The following GLIS3 variants were observed in gnomAD, a reference collection of about 807,000 sequenced individuals.
The protein encoded by GLIS3 is GLIS family zinc finger 3.
Under a neutral mutation model 78.6 loss-of-function variants are expected in GLIS3, and 53 were observed. That is an observed-to-expected ratio of 0.67 (90% confidence interval 0.54 to 0.85). The LOEUF (loss-of-function observed/expected upper bound fraction) is 0.85, where lower values mean the gene tolerates loss of function less well. GLIS3 is among the 40% of genes least tolerant of loss of function. The pLI is 0.00. For synonymous variants in GLIS3, 684 were observed against 509.9 expected (o/e 1.34, Z -4.60); for missense variants, 1,703 against 1,231.1 (o/e 1.38, Z -5.74).
chr9:4,467,959 T>A, the GLIS3 span, among the ~76,000 whole-genome samples: 1 of 152,156 alleles, frequency 6.6e-6, no homozygotes, highest in African/African-American at 2.4e-5. Flanking sequence ...CTGATGGAGC[T>A]GAAATTCATG....
At chr9:4,183,629 T>C (rs1315001109) in intron 2 of GLIS3, among the ~76,000 whole-genome samples, 1 of 152,218 alleles carries the variant, frequency 6.6e-6, no homozygotes, top group Non-Finnish European at 1.5e-5. Context: ...CTAAGGACAC[T>C]GATTAGATTT....
intron 4 of GLIS3, among the ~76,000 whole-genome samples, chr9:4,039,961 C>G (rs1009361851): frequency 1.3e-5 from 2 of 152,108 alleles, no homozygotes; most frequent in African/African-American, 4.8e-5. Flanking sequence ...AATGTGGAGG[C>G]CAAAACTGTT....
chr9:3,830,322 C>T (rs573623989), intron 9 of GLIS3, among the ~76,000 whole-genome samples: 2 of 152,196 alleles, frequency 1.3e-5, no homozygotes, highest in African/African-American at 4.8e-5. Context: ...CCTCATAATA[C>T]ATTTAAGTCA....
At chr9:4,437,004 A>G in the GLIS3 span, among the ~76,000 whole-genome samples, 2 of 152,078 alleles carry the variant, frequency 1.3e-5, no homozygotes, top group Admixed American at 6.6e-5. Context: ...GCTGCAGTAG[A>G]AGTATAGAGA....
At chr9:3,856,217 G>GA (rs1563780603) in intron 8 of GLIS3, 33 bp from the exon 9 acceptor site, 1 of 1,587,672 alleles carries the variant, frequency 6.3e-7, no homozygotes, top group South Asian at 1.1e-5. Flanking sequence ...AAACATGAGG[G>GA]ACATAAAACA....
At chr9:4,328,915 G>T (rs975801998) in intron 2 of GLIS3, among the ~76,000 whole-genome samples, 1 of 152,210 alleles carries the variant, frequency 6.6e-6, no homozygotes, top group African/African-American at 2.4e-5. Context: ...TAAGATGGCA[G>T]GCTGACAGAG....
chr9:4,159,482 C>A (rs1017881398), intron 2 of GLIS3, among the ~76,000 whole-genome samples: 8 of 152,042 alleles, frequency 5.3e-5, no homozygotes, highest in African/African-American at 1.7e-4. Flanking sequence ...ACTTTAGGAG[C>A]CCGAGGCAGG....
chr9:4,128,007 G>C (rs1832705347), intron 2 of GLIS3, among the ~76,000 whole-genome samples: 1 of 152,174 alleles, frequency 6.6e-6, no homozygotes, highest in African/African-American at 2.4e-5. Context: ...GTAAGAACAT[G>C]AACTGCCAGT....
At chr9:4,424,186 A>G in the GLIS3 span, among the ~76,000 whole-genome samples, 168 of 152,338 alleles carry the variant, frequency 1.1e-3, no homozygotes, top group African/African-American at 3.8e-3. Context: ...CCTATGAGGT[A>G]GCAGGAAGAA....
intron 2 of GLIS3, among the ~76,000 whole-genome samples, chr9:4,164,766 G>T (rs1012477614): frequency 6.6e-6 from 1 of 152,168 alleles, no homozygotes; most frequent in African/African-American, 2.4e-5. Context: ...GCTTACTGAA[G>T]AATGAAAATG....
At chr9:4,180,518 G>T (rs1036043433) in intron 2 of GLIS3, among the ~76,000 whole-genome samples, 3 of 152,136 alleles carry the variant, frequency 2.0e-5, no homozygotes, top group African/African-American at 4.8e-5. Context: ...ATACTGCCCA[G>T]TATCACACAT....
chr9:4,067,866 A>G (rs1588590705), intron 4 of GLIS3, among the ~76,000 whole-genome samples: 2 of 152,290 alleles, frequency 1.3e-5, no homozygotes, highest in Admixed American at 6.5e-5. Flanking sequence ...CATAACAATA[A>G]TAGTTAAAAA....
intron 6 of GLIS3, among the ~76,000 whole-genome samples, chr9:3,907,602 C>CACACA (rs1554644529): frequency 1.3e-4 from 11 of 81,540 alleles, no homozygotes; most frequent in Admixed American, 5.8e-4. Flanking sequence ...CCTCCACCCC[C>CACACA]CAAACACACA....
the GLIS3 span, among the ~76,000 whole-genome samples, chr9:4,360,678 C>A: frequency 1.2e-4 from 18 of 152,282 alleles, no homozygotes; most frequent in Non-Finnish European, 2.2e-4. Flanking sequence ...TCAGGGTTAA[C>A]GTTTGAACCA....
chr9:4,389,926 A>G, the GLIS3 span, among the ~76,000 whole-genome samples: 1 of 152,256 alleles, frequency 6.6e-6, no homozygotes, highest in Admixed American at 6.5e-5. Context: ...ACACAGTGTG[A>G]TAAGTAAAAT....
chr9:4,063,255 A>T (rs1397683604), intron 4 of GLIS3, among the ~76,000 whole-genome samples: 1 of 152,140 alleles, frequency 6.6e-6, no homozygotes, highest in Non-Finnish European at 1.5e-5. Flanking sequence ...ACTTAGTGAA[A>T]TTTACCTTTT....
At chr9:4,386,156 G>C in the GLIS3 span, among the ~76,000 whole-genome samples, 1 of 152,112 alleles carries the variant, frequency 6.6e-6, no homozygotes, top group Admixed American at 6.6e-5. Flanking sequence ...AGAAAAACAA[G>C]AGAGAGAGAA....
chr9:4,332,618 A>G (rs1817702263), intron 2 of GLIS3, among the ~76,000 whole-genome samples: 2 of 152,228 alleles, frequency 1.3e-5, no homozygotes, highest in Non-Finnish European at 2.9e-5. Context: ...ATGCCTTCTT[A>G]GGGCAGACAA....
chr9:3,897,835 A>T (rs372402732), intron 7 of GLIS3, among the ~76,000 whole-genome samples: 1 of 152,246 alleles, frequency 6.6e-6, no homozygotes, highest in African/African-American at 2.4e-5. Context: ...TCGAAAGAAA[A>T]AAACAGTCTG....
Sources: allele counts gnomAD v4.1 joint callset (sites outside exome capture counted in the v4.1 genomes callset), GRCh38; gene constraint gnomAD v4.1.1; transcripts MANE v1.5; gene names NCBI Gene and HGNC (gene_info 2026-07-23, HGNC 2026-07-21).